ALMS1: variants seen among roughly 807,000 people sequenced by gnomAD.
ALMS1 encodes ALMS1 centrosome and basal body associated protein, also known as centrosome-associated protein ALMS1.
ALMS1 carries 271 observed loss-of-function variants against 352.2 expected under a neutral mutation model. The ratio of observed to expected loss-of-function variants is 0.77; its 90% CI spans 0.70 to 0.85. ALMS1 has a LOEUF of 0.85. ALMS1 is among the 40% of genes least tolerant of loss of function. ALMS1 has a pLI of 0.00. For synonymous variants in ALMS1, 1,865 were observed against 1,761.2 expected (o/e 1.06, Z -1.48); for missense variants, 5,445 against 4,870.7 (o/e 1.12, Z -3.51).
At chr2:73,605,247 A>G (rs532672643) in intron 21 of ALMS1, among the ~76,000 whole-genome samples, 50 of 152,310 alleles carry the variant, frequency 3.3e-4, no homozygotes, top group African/African-American at 1.1e-3. Flanking sequence ...AAATCTAGAA[A>G]ACTTGTATTC....
intron 7 of ALMS1, among the ~76,000 whole-genome samples, chr2:73,442,428 T>TTTGATAGCTTCATTCCATA (rs1671737300): frequency 6.6e-6 from 1 of 152,170 alleles, no homozygotes; most frequent in African/African-American, 2.4e-5. Flanking sequence ...CTAAGAGGAT[T>TTTGATAGCTTCATTCCATA]TTGATAGCTT....
chr2:73,451,634 G>A lies in ALMS1; in HGVS notation c.5107G>A (p.Glu1703Lys), dbSNP rs376906848. The change falls in exon 8 of 23, where the codon GAG becomes AAG. Residue 1703 changes from glutamate to lysine, a missense_variant. Transcript: ENST00000613296. Reference protein sequence around the residue: ...PVPGPDAQKTETPSVSSSLYS... With the variant: ...PVPGPDAQKTKTPSVSSSLYS... ...TCCTGGACCAGATGCCCAGAAGACT[G>A]AGACACCATCAGTATCCTCTAGTTT... 6.2e-7 allele frequency: 1 copy of A among 1,613,962 alleles called. No individual in the cohort carries two copies. Among genetic ancestry groups the A allele is most frequent in the African/African-American group, 1.3e-5 (1 of 74,896 alleles).
chr2:73,504,640 TATTTGGA>T (rs1266765748), intron 10 of ALMS1, among the ~76,000 whole-genome samples: 1 of 152,236 alleles, frequency 6.6e-6, no homozygotes, highest in Non-Finnish European at 1.5e-5. Flanking sequence ...AGCATTCCAT[TATTTGGA>T]ATTTATACAG....
At chr2:73,564,493 C>T (rs897933293) in intron 15 of ALMS1, among the ~76,000 whole-genome samples, 1 of 144,230 alleles carries the variant, frequency 6.9e-6, no homozygotes, top group Non-Finnish European at 1.5e-5. Flanking sequence ...AAAAATCAAA[C>T]ATGTAATTCA....
intron 16 of ALMS1, among the ~76,000 whole-genome samples, chr2:73,593,487 C>G (rs1573047503): frequency 1.3e-5 from 2 of 152,300 alleles, no homozygotes; most frequent in African/African-American, 4.8e-5. Context: ...AGATGCAGAA[C>G]TATAGAGTAT....
At chr2:73,395,295 G>T (rs181377184) in intron 1 of ALMS1, among the ~76,000 whole-genome samples, 1 of 151,356 alleles carries the variant, frequency 6.6e-6, no homozygotes, top group African/African-American at 2.4e-5. Flanking sequence ...GCCTAGGCTG[G>T]TCCCGAACTC....
chr2:73,478,169 C>T (rs1320167132), intron 9 of ALMS1, among the ~76,000 whole-genome samples: 1 of 152,066 alleles, frequency 6.6e-6, no homozygotes, highest in Non-Finnish European at 1.5e-5. Flanking sequence ...AATTTTATCA[C>T]AAAAACGTAT....
Position 73,519,921 on chromosome 2 carries a change from T to C in ALMS1, c.9686T>C (p.Ile3229Thr). ...FINAEDRGHE[I>T]IEPGNQKLRK... ...AATGCTGAAGATCGTGGACATGAAA[T>C]TATAGAGCCTGGTAACCAGAAGCTA... The change falls in exon 11 of 23, where the codon ATT (isoleucine) becomes ACT (threonine). Residue 3229 changes from isoleucine (I) to threonine (T), a missense_variant. Physicochemically the swap from Ile to Thr is moderately conservative, Grantham distance 89. Transcript: ENST00000613296. 6.2e-7 allele frequency: 1 copy of C among 1,614,094 alleles called. No individual in the cohort carries two copies. The highest frequency in any genetic ancestry group is 1.6e-4 in the Middle Eastern group (1 of 6,062).
At chr2:73,399,857 C>G (rs1670837089) in intron 1 of ALMS1, among the ~76,000 whole-genome samples, 1 of 150,872 alleles carries the variant, frequency 6.6e-6, no homozygotes, top group Non-Finnish European at 1.5e-5. Context: ...AAGAGGTTGT[C>G]AAATGTTTTT....
chr2:73,539,276 T>C (rs1251498727), intron 12 of ALMS1, among the ~76,000 whole-genome samples: 15 of 152,114 alleles, frequency 9.9e-5, no homozygotes. Context: ...GCAAATAGGG[T>C]CTGGAGTGGA....
chr2:73,483,559 G>C (rs1672760572), intron 9 of ALMS1, among the ~76,000 whole-genome samples: 1 of 151,648 alleles, frequency 6.6e-6, no homozygotes, highest in African/African-American at 2.4e-5. Flanking sequence ...GTTGATTTGG[G>C]GTGGAGAGTT....
rs867343026 is a variant in ALMS1 at position 73,579,059 on chromosome 2, T to C, written c.11547+5635T>C. On this transcript the variant is annotated intron_variant, in intron 16 of 22. Transcript: ENST00000613296. ...CTGGGAATGTCTTTAATTTCTCCTT[T>C]ATTCTTTTTTTATTTATTTTTTTTT... is the stretch of plus-strand genomic sequence containing the variant. 3.0e-5 allele frequency among the ~76,000 whole-genome samples: 4 copies of C among 131,198 alleles called. 1 individual carries two copies. In the South Asian group the frequency reaches 9.0e-4, roughly 30 times the overall value. The allele number at this position is 131,198 out of a possible 152,430, so 86.1% of individuals were successfully genotyped here. A position where few individuals can be genotyped will look rare whatever the true frequency, so the allele number is the denominator to read the frequency against.
chr2:73,467,172 C>G (rs1413563566), intron 9 of ALMS1, among the ~76,000 whole-genome samples: 1 of 152,038 alleles, frequency 6.6e-6, no homozygotes. Context: ...GAATGGTAAT[C>G]AAAAGGCAGC....
intron 15 of ALMS1, among the ~76,000 whole-genome samples, chr2:73,563,670 C>T (rs1674712849): frequency 6.9e-6 from 1 of 145,814 alleles, no homozygotes; most frequent in South Asian, 2.1e-4. Context: ...TTGCAGTGAG[C>T]CGAGATCACG....
intron 12 of ALMS1, among the ~76,000 whole-genome samples, chr2:73,541,539 G>C (rs1674180421): frequency 6.6e-6 from 1 of 152,188 alleles, no homozygotes. Context: ...GAAGGAAATA[G>C]AGTCACAAAA....
In ALMS1 at chr2:73,450,146, C is replaced by A; in HGVS notation, c.3619C>A (p.Pro1207Thr). ...TGGTATTTTCTATCAACAGACCTTG[C>A]CAGGTAGTCACATACCTGAAGAGGC... ...KPGIFYQQTL[P>T]GSHIPEEAQK... The change falls in exon 8 of 23, where the codon CCA (proline) becomes ACA (threonine). Residue 1207 changes from proline (P) to threonine (T), a missense_variant. Pro to Thr is a conservative substitution (Grantham distance 38). Transcript: ENST00000613296. 1.2e-6 allele frequency: 2 copies of A among 1,614,018 alleles called. No homozygotes were observed. Among genetic ancestry groups the A allele is most frequent in the Non-Finnish European group, 1.7e-6 (2 of 1,179,960 alleles).
chr2:73,563,440 G>A (rs1223786145), intron 15 of ALMS1, among the ~76,000 whole-genome samples: 1 of 151,904 alleles, frequency 6.6e-6, no homozygotes, highest in Non-Finnish European at 1.5e-5. Context: ...GAATGAAGGA[G>A]GGCAGGGTGC....
chr2:73,450,822 C>G lies in ALMS1; in HGVS notation c.4295C>G (p.Thr1432Arg). The G allele has an allele frequency of 6.2e-7, 1 of 1,613,968 alleles. No homozygotes were observed. The highest frequency in any genetic ancestry group is 8.5e-7 in the Non-Finnish European group (1 of 1,179,958). ...TTACCCTCTACTTTCTACTCACACA[C>G]AGAGAAGCCTGGTAGTTTCTACCAA... The part of the protein sequence containing the change: ...PTLPSTFYSH[T>R]EKPGSFYQQV... The change falls in exon 8 of 23, where the codon ACA becomes AGA. Residue 1432 changes from threonine (T) to arginine (R), a missense_variant. Physicochemically the swap from Thr to Arg is moderately conservative, Grantham distance 71. Coordinates refer to ENST00000613296, the MANE Select transcript of ALMS1 (RefSeq NM_001378454.1).
intron 4 of ALMS1, among the ~76,000 whole-genome samples, chr2:73,423,445 A>G (rs919181108): frequency 2.0e-5 from 3 of 152,236 alleles, no homozygotes; most frequent in Non-Finnish European, 4.4e-5. Flanking sequence ...GAAGATTTTT[A>G]TGAACAGACA....
Sources: allele counts gnomAD v4.1 joint callset (sites outside exome capture counted in the v4.1 genomes callset), GRCh38; gene constraint gnomAD v4.1.1; transcripts MANE v1.5; gene names NCBI Gene and HGNC (gene_info 2026-07-23, HGNC 2026-07-21).